SYNE2: variants seen among roughly 807,000 people sequenced by gnomAD.
SYNE2 encodes nesprin-2.
SYNE2 carries 431 observed loss-of-function variants against 856.3 expected under a neutral mutation model. The observed-to-expected ratio is 0.50, with a 90% CI of 0.47 to 0.55. The LOEUF (loss-of-function observed/expected upper bound fraction) is 0.55. Among genes scored for constraint, SYNE2 ranks in the 20% least tolerant of loss-of-function variants. The pLI, the probability that SYNE2 is intolerant of heterozygous loss-of-function variation, is 0.00. For missense variants in SYNE2, 8,129 were observed against 8,023.2 expected (o/e 1.01, Z -0.50); for synonymous variants, 2,923 against 2,872.3 (o/e 1.02, Z -0.56).
In SYNE2 at chr14:64,165,314, A is replaced by G. The variant is rs2098367969; in HGVS notation, c.16509A>G (p.Gly5503=). 1 of 1,613,818 alleles carries G rather than the reference A, an allele frequency of 6.2e-7. No individual in the cohort carries two copies. The highest frequency in any genetic ancestry group is 1.3e-5 in the African/African-American group (1 of 74,898). ...EFVLSQFKDF[G]VRLESLKGLI... is the part of the protein sequence containing the mutation. ...TTCTCTCACAGTTTAAGGATTTTGG[A>G]GTCCGGCTGGAATCTTTAAAAGGTC... The change falls in exon 90 of 116, where the codon GGA becomes GGG. Residue 5503 remains glycine (G), a synonymous_variant. Coordinates refer to ENST00000555002, the MANE Select transcript of SYNE2 (RefSeq NM_182914.3).
In SYNE2 at chr14:64,130,045, C is replaced by G; in HGVS notation, c.14140-3C>G. On this transcript the variant is annotated splice_region_variant and splice_polypyrimidine_tract_variant and intron_variant, in intron 75 of 115. Transcript: ENST00000555002. The stretch of plus-strand genomic sequence containing the variant: ...ATGTGTGCACCTGCTCTTCTCTTTT[C>G]AGGATGTACTTGACAGTATGTGGGG... The G allele has an allele frequency of 6.2e-7, 1 of 1,613,632 alleles. No individual in the cohort carries two copies. The highest frequency in any genetic ancestry group is 8.5e-7 in the Non-Finnish European group (1 of 1,179,990).
In SYNE2 at chr14:63,982,612, T is replaced by C. The variant is rs1322605345; in HGVS notation, c.1837-18T>C. The C allele has an allele frequency of 6.2e-7, 1 of 1,612,686 alleles. No homozygotes were observed. On this transcript the variant is annotated intron_variant, in intron 16 of 115. Coordinates refer to ENST00000555002, the MANE Select transcript of SYNE2 (RefSeq NM_182914.3). Reference sequence around the variant, plus strand: ...ATATCGTGTCATTAAGATAGTGTGTTGCTTGTGTATCATGTAGGTACCCTT... The same window carrying C: ...ATATCGTGTCATTAAGATAGTGTGTCGCTTGTGTATCATGTAGGTACCCTT...
At chr14:64,018,172 C>G (rs2096908239) in intron 34 of SYNE2, among the ~76,000 whole-genome samples, 1 of 152,150 alleles carries the variant, frequency 6.6e-6, no homozygotes, top group Non-Finnish European at 1.5e-5. Context: ...GAATTCCTAG[C>G]AAAAGCGCCA....
In SYNE2 at chr14:64,030,522, CAT is replaced by C. The variant is rs2097025039; in HGVS notation, c.6879+466_6879+467del. On this transcript the variant is annotated intron_variant, in intron 44 of 115. Transcript: ENST00000555002. ...TTCAGTCTAGAGTTTTAAAATTAGTCATATTTGTTTACGCATTTACTATTGAT... is the reference window on the plus strand; with the variant it reads ...TTCAGTCTAGAGTTTTAAAATTAGTCATTTGTTTACGCATTTACTATTGAT... 2.6e-5 allele frequency among the ~76,000 whole-genome samples: 4 copies of C among 152,240 alleles called. No individual in the cohort carries two copies. In the South Asian group the frequency reaches 8.3e-4, roughly 32 times the overall value.
intron 87 of SYNE2, among the ~76,000 whole-genome samples, chr14:64,159,937 G>A (rs1184634742): frequency 6.6e-6 from 1 of 152,164 alleles, no homozygotes; most frequent in African/African-American, 2.4e-5. Context: ...AAGGAGTGTG[G>A]CCCTAGTTAA....
chr14:64,064,525 G>T (rs1595250425), intron 50 of SYNE2, among the ~76,000 whole-genome samples: 2 of 151,068 alleles, frequency 1.3e-5, no homozygotes, highest in African/African-American at 4.9e-5. Context: ...AGATAATGAG[G>T]GCTGTTGTAC....
At chr14:64,101,872 C>A in intron 63 of SYNE2, 60 bp from the exon 64 acceptor site, 2 of 1,268,034 alleles carry the variant, frequency 1.6e-6, no homozygotes, top group Non-Finnish European at 1.2e-6. Flanking sequence ...GTGAGTAGGG[C>A]ACCGGTTATG....
intron 1 of SYNE2, among the ~76,000 whole-genome samples, chr14:63,859,914 TTCTC>T (rs963421807): frequency 5.5e-4 from 84 of 151,610 alleles, no homozygotes; most frequent in Non-Finnish European, 9.6e-4. Flanking sequence ...TCTCTTTTCT[TTCTC>T]TCTCTCTTTC....
Position 64,116,397 on chromosome 14 carries a change from G to C in SYNE2, c.12840+2826G>C, listed in dbSNP as rs75150555. Among the ~76,000 whole-genome samples, 835 of 152,232 alleles carry C rather than the reference G, an allele frequency of 5.5e-3. 8 individuals are homozygous for C. The highest frequency in any genetic ancestry group is 0.019 in the African/African-American group (779 of 41,544). On this transcript the variant is annotated intron_variant, in intron 66 of 115. Coordinates refer to ENST00000555002, the MANE Select transcript of SYNE2 (RefSeq NM_182914.3). ...GAGGTCAGTTGTCAACATATAAGCT[G>C]TTCATCTTCTTTGAGTTAAAAGTAC...
chr14:63,813,533 A>G (rs1888698800), intron 1 of SYNE2, among the ~76,000 whole-genome samples: 1 of 152,194 alleles, frequency 6.6e-6, no homozygotes, highest in Non-Finnish European at 1.5e-5. Flanking sequence ...GGTGGCTCAC[A>G]CCTGTAATCC....
At chr14:63,898,267 T>C (rs1322492940) in intron 1 of SYNE2, among the ~76,000 whole-genome samples, 2 of 152,214 alleles carry the variant, frequency 1.3e-5, no homozygotes, top group African/African-American at 2.4e-5. Context: ...TGCCTCAATC[T>C]GCTGCATCAC....
intron 45 of SYNE2, among the ~76,000 whole-genome samples, chr14:64,037,952 C>A (rs1466817653): frequency 6.6e-6 from 1 of 151,982 alleles, no homozygotes; most frequent in East Asian, 2.0e-4. Context: ...GACCCCCCCA[C>A]CTCCCTCCCG....
chr14:64,221,861 T>C (rs2098695827), intron 112 of SYNE2, among the ~76,000 whole-genome samples, 157 bp downstream of exon 112: 1 of 152,190 alleles, frequency 6.6e-6, no homozygotes. Flanking sequence ...CCAGTTGGTG[T>C]TTACCGAGCT....
At chr14:64,141,218 G>T in intron 80 of SYNE2, 123 bp from the exon 81 acceptor site, 4 of 738,360 alleles carry the variant, frequency 5.4e-6, no homozygotes, top group Non-Finnish European at 8.9e-6. Flanking sequence ...GGGTGTGTGT[G>T]TGTGTGTGTA....
intron 94 of SYNE2, among the ~76,000 whole-genome samples, chr14:64,171,708 T>C (rs1217695054): frequency 6.6e-6 from 1 of 152,084 alleles, no homozygotes; most frequent in African/African-American, 2.4e-5. Flanking sequence ...GGCAAGGCAG[T>C]AGTGGCAGGA....
rs772029912 is a variant in SYNE2 at position 63,846,589 on chromosome 14, T to TTTTG, written c.-304-5892_-304-5889dup. ...ATTTATTCAGGTTTTTTTTTCTGTT[T>TTTTG]TTTGTTTGTTTGTTTGTTTGTTTTG... is the stretch of plus-strand genomic sequence containing the variant. On this transcript the variant is annotated intron_variant, in intron 1 of 23. Transcript: ENST00000674003. 7.7e-3 allele frequency among the ~76,000 whole-genome samples: 1,172 copies of TTTTG among 151,730 alleles called. 11 individuals are homozygous for TTTTG. Among genetic ancestry groups the TTTTG allele is most frequent in the African/African-American group, 0.026 (1,067 of 41,338 alleles).
At chr14:63,972,894 T>C (rs1380531703) in intron 11 of SYNE2, among the ~76,000 whole-genome samples, 2 of 152,246 alleles carry the variant, frequency 1.3e-5, no homozygotes. Context: ...AATTTCTGTT[T>C]TATCTTTTGG....
intron 1 of SYNE2, among the ~76,000 whole-genome samples, chr14:63,902,110 T>A (rs2095344535): frequency 6.6e-6 from 1 of 152,164 alleles, no homozygotes; most frequent in Admixed American, 6.5e-5. Flanking sequence ...TATTCACTTT[T>A]AAGAGTAGTT....
intron 47 of SYNE2, among the ~76,000 whole-genome samples, chr14:64,051,167 G>A (rs1003465711): frequency 7.2e-5 from 11 of 152,056 alleles, no homozygotes; most frequent in African/African-American, 1.9e-4. Flanking sequence ...ATGACAAGGG[G>A]GTTGGATATT....
Sources: allele counts gnomAD v4.1 joint callset (sites outside exome capture counted in the v4.1 genomes callset), GRCh38; gene constraint gnomAD v4.1.1; transcripts MANE v1.5; gene names NCBI Gene and HGNC (gene_info 2026-07-23, HGNC 2026-07-21).